The following LAMA5 variants were observed in gnomAD, a reference collection of about 807,000 sequenced individuals.
The protein encoded by LAMA5 is laminin subunit alpha-5.
Under a neutral mutation model 433.4 loss-of-function variants are expected in LAMA5, and 260 were observed. The ratio of observed to expected loss-of-function variants is 0.60; its 90% CI spans 0.54 to 0.66. The LOEUF (loss-of-function observed/expected upper bound fraction) is 0.66. Among genes scored for constraint, LAMA5 ranks in the 30% least tolerant of loss-of-function variants. The probability of loss-of-function intolerance (pLI) is 0.00; values close to 1 mark genes in which losing one functional copy is unlikely to be tolerated. For missense variants in LAMA5, 5,378 were observed against 5,258.5 expected, an observed-to-expected ratio of 1.02 and a Z score of -0.70; for synonymous variants, 2,620 against 2,226.6, an observed-to-expected ratio of 1.18 and a Z score of -4.97.
In LAMA5 at chr20:62,335,306, G is replaced by A. The variant is rs1396466446; in HGVS notation, c.2324-37C>T. 1.9e-6 allele frequency: 3 copies of A among 1,607,736 alleles called. No individual in the cohort carries two copies. The Admixed American group carries it at 5.0e-5, about 27-fold the overall frequency. On this transcript the variant is annotated intron_variant, in intron 18 of 79. Coordinates refer to ENST00000252999, the MANE Select transcript of LAMA5 (RefSeq NM_005560.6). ...AGGGCAGGACTCAGATGCTTGGTGG[G>A]GCAGGAGAGCCTGGCTCCAGCCCCC...
chr20:62,323,958 C>A, intron 43 of LAMA5, 102 bp from the exon 44 acceptor site: 1 of 1,434,338 alleles, frequency 7.0e-7, no homozygotes, highest in South Asian at 1.4e-5. Flanking sequence ...GTCGGGGGCC[C>A]AGACCTCACG....
In LAMA5 at chr20:62,346,665, C is replaced by T. The variant is rs6143036; in HGVS notation, c.1191+17G>A. 4.3e-6 allele frequency: 7 copies of T among 1,611,030 alleles called. No individual in the cohort carries two copies. The highest frequency in any genetic ancestry group is 2.7e-5 in the African/African-American group (2 of 74,816). On this transcript the variant is annotated intron_variant, in intron 8 of 79. Transcript: ENST00000252999. ...ACCTCAGGGCCAGCCCATTCCCAGCCCTCTAGCCCAGCCCACCTGGCAGTC... is the reference window on the plus strand; with the variant it reads ...ACCTCAGGGCCAGCCCATTCCCAGCTCTCTAGCCCAGCCCACCTGGCAGTC...
chr20:62,345,374 G>A (rs1983206609), intron 11 of LAMA5: 1 of 152,280 alleles, frequency 6.6e-6, no homozygotes, highest in Middle Eastern at 3.1e-3. Context: ...TGTGCACATT[G>A]TGCAGGTTAG....
Position 62,314,820 on chromosome 20 carries a change from C to G in LAMA5, c.8175G>C (p.Gln2725His). The G allele has an allele frequency of 6.2e-7, 1 of 1,612,890 alleles. No individual in the cohort carries two copies. Among genetic ancestry groups the G allele is most frequent in the African/African-American group, 1.3e-5 (1 of 75,032 alleles). Residue 2725 changes from glutamine (Q) to histidine (H), a missense_variant, in exon 60 of 80, where the codon CAG becomes CAC. Gln to His is a conservative substitution (Grantham distance 24). Transcript: ENST00000252999. ...CCACCTTACTGGCAGCCCCCCGGGCCTGGGCAATGAGCTCTCGCACGCGGC... is the reference window on the plus strand; with the variant it reads ...CCACCTTACTGGCAGCCCCCCGGGCGTGGGCAATGAGCTCTCGCACGCGGC... Reference protein sequence around the residue: ...SIGRVRELIAQARGAASKVKV... With the variant: ...SIGRVRELIAHARGAASKVKV...
Position 62,312,552 on chromosome 20 carries a change from C to T in LAMA5, c.9228-20G>A, listed in dbSNP as rs760330518. On this transcript the variant is annotated intron_variant, in intron 67 of 79. Transcript: ENST00000252999. The stretch of plus-strand genomic sequence containing the variant: ...CGCAGGCTGTGGGGAAGCGGGGATG[C>T]GGGTCAGGGCGCCACCTCCAAGCCC... 18 of 1,598,282 alleles carry T rather than the reference C, an allele frequency of 1.1e-5. No homozygotes were observed. The highest frequency in any genetic ancestry group is 1.7e-4 in the Middle Eastern group (1 of 6,058).
chr20:62,315,522 T>G (rs1986845048), intron 58 of LAMA5, among the ~76,000 whole-genome samples: 1 of 151,584 alleles, frequency 6.6e-6, no homozygotes, highest in Non-Finnish European at 1.5e-5. Context: ...GCCACAGGGG[T>G]CCCTCAGAAA....
chr20:62,348,019 C>T (rs1889201), intron 6 of LAMA5, among the ~76,000 whole-genome samples: 89,324 of 152,090 alleles, frequency 0.59, 28,216 homozygotes, highest in East Asian at 0.75. Flanking sequence ...TCACACCAGC[C>T]CCAAGTACCT....
intron 45 of LAMA5, 44 bp from the exon 46 acceptor site, chr20:62,322,802 C>G (rs755413254): frequency 3.8e-5 from 48 of 1,251,266 alleles, no homozygotes; most frequent in Non-Finnish European, 4.7e-5. Flanking sequence ...CCTCTCACCC[C>G]CCCAGGGAGC....
At position 62,329,176 on chromosome 20, in the gene LAMA5, G is replaced by A; in HGVS notation, c.4197C>T (p.Asp1399=). The change falls in exon 33 of 80, where the codon GAC becomes GAT. Residue 1399 remains aspartate, a synonymous_variant. Coordinates refer to ENST00000252999, the MANE Select transcript of LAMA5 (RefSeq NM_005560.6). ...LREEPLDKSY[D]FISHCAAQGY... is the part of the protein sequence containing the mutation. Reference sequence around the variant, plus strand: ...CCTGGGCTGCGCAGTGGCTGATGAAGTCATAGGATTTATCCAGGGGCTCCT... The same window carrying A: ...CCTGGGCTGCGCAGTGGCTGATGAAATCATAGGATTTATCCAGGGGCTCCT... 6.2e-7 allele frequency: 1 copy of A among 1,612,902 alleles called. No homozygotes were observed. The highest frequency in any genetic ancestry group is 8.5e-7 in the Non-Finnish European group (1 of 1,179,926).
At chr20:62,349,163 C>G (rs903063297) in intron 6 of LAMA5, among the ~76,000 whole-genome samples, 4 of 150,684 alleles carry the variant, frequency 2.7e-5, no homozygotes, top group African/African-American at 9.8e-5. Flanking sequence ...CCCAGCTACT[C>G]AGGAGGCTGA....
In LAMA5 at chr20:62,324,728, G is replaced by A. The variant is rs535542098; in HGVS notation, c.5530-174C>T. 38 of 595,932 alleles carry A rather than the reference G, an allele frequency of 6.4e-5. No individual in the cohort carries two copies. In the East Asian group the frequency reaches 9.3e-4, roughly 15 times the overall value. The allele number at this position is 595,932 out of a possible 1,614,324, so 36.9% of individuals were successfully genotyped here. Reference sequence around the variant, plus strand: ...CAGGAACTCCTGGCCTCGGCCGGCTGGAGGTGGGCCAGCACCTGGCTGCTG... The same window carrying A: ...CAGGAACTCCTGGCCTCGGCCGGCTAGAGGTGGGCCAGCACCTGGCTGCTG... On this transcript the variant is annotated intron_variant, in intron 41 of 79. Transcript: ENST00000252999. The surrounding 1 kb of genome is among the most constrained non-coding windows in gnomAD (Gnocchi z 4.4).
intron 57 of LAMA5, 60 bp from the exon 58 acceptor site, chr20:62,316,118 C>G (rs1986904437): frequency 1.7e-6 from 2 of 1,171,476 alleles, no homozygotes; most frequent in East Asian, 2.5e-5. Context: ...AATTGCAGCC[C>G]ACCTCCACCC....
At position 62,313,429 on chromosome 20, in the gene LAMA5, C is replaced by G. The variant is rs1019295417; in HGVS notation, c.8690G>C (p.Arg2897Pro). Residue 2897 changes from arginine to proline, a missense_variant, in exon 64 of 80, where the codon CGG (arginine) becomes CCG (proline). Transcript: ENST00000252999. ...PPPLLRFPGY[R>P]GCIEMDTLNE... ...CAGCGTGTCCATCTCGATGCAGCCC[C>G]GGTAGCCGGGGAAGCGAAGCAGGGG... 16 of 1,610,396 alleles carry G rather than the reference C, an allele frequency of 9.9e-6. No individual in the cohort carries two copies. The highest frequency in any genetic ancestry group is 1.4e-5 in the Non-Finnish European group (16 of 1,179,086).
intron 11 of LAMA5, among the ~76,000 whole-genome samples, chr20:62,343,033 A>T (rs1165902306): frequency 1.3e-5 from 2 of 152,218 alleles, no homozygotes; most frequent in Admixed American, 6.5e-5. Context: ...TACACCAGGG[A>T]TTAGCAAACT....
At chr20:62,323,354 C>T in intron 45 of LAMA5, 102 bp downstream of exon 45, 1 of 990,964 alleles carries the variant, frequency 1.0e-6, no homozygotes, top group Non-Finnish European at 1.4e-6. Context: ...TGGCTGGGCC[C>T]CAGCATCAGG....
chr20:62,338,289 C>G lies in LAMA5; in HGVS notation c.1699G>C (p.Glu567Gln), dbSNP rs146912525. The G allele has an allele frequency of 6.2e-6, 10 of 1,602,796 alleles. No homozygotes were observed. In the African/African-American group the frequency reaches 9.4e-5, roughly 15 times the overall value. The part of the protein sequence containing the change: ...TGQCRCRVGF[E>Q]GATCDRCAPG... ...GCACAGCGATCACATGTGGCCCCCT[C>G]GAAGCCCACTCGGCACCTGCACTGG... The change falls in exon 13 of 80, where the codon GAG becomes CAG. Residue 567 changes from glutamate (E) to glutamine (Q), a missense_variant. Coordinates refer to ENST00000252999, the MANE Select transcript of LAMA5 (RefSeq NM_005560.6).
intron 11 of LAMA5, among the ~76,000 whole-genome samples, chr20:62,340,423 C>T (rs1431983395): frequency 4.0e-5 from 6 of 150,722 alleles, no homozygotes; most frequent in African/African-American, 7.3e-5. Context: ...GCCATTCTCC[C>T]GCCTCAGCCT....
intron 26 of LAMA5, 25 bp from the exon 27 acceptor site, chr20:62,332,742 A>G: frequency 6.2e-7 from 1 of 1,606,766 alleles, no homozygotes; most frequent in Non-Finnish European, 8.5e-7. Context: ...GGGTGACGGG[A>G]GGCCCGCCAC....
At chr20:62,352,761 C>T (rs1984555784) in intron 3 of LAMA5, among the ~76,000 whole-genome samples, 1 of 152,162 alleles carries the variant, frequency 6.6e-6, no homozygotes, top group African/African-American at 2.4e-5. Context: ...GGGCCAGGGA[C>T]GGCCAGCATC....
Sources: gnomAD v4.1 joint callset for allele counts (sites outside exome capture counted in the v4.1 genomes callset) on GRCh38, gnomAD v4.1.1 for gene constraint, Gnocchi (gnomAD v3.1) non-coding constraint, MANE v1.5 for transcripts, NCBI Gene and HGNC (gene_info 2026-07-23, HGNC 2026-07-21) for gene names.